EPS8: variants seen among roughly 807,000 people sequenced by gnomAD.
EPS8 encodes epidermal growth factor receptor kinase substrate 8.
In EPS8, 42 loss-of-function variants were observed where a neutral mutation model predicts 103.8. The ratio of observed to expected loss-of-function variants is 0.40; its 90% confidence interval spans 0.32 to 0.52. EPS8 has a LOEUF of 0.52. Ranked by LOEUF, EPS8 falls within the 20% of genes least tolerant of loss-of-function variation. The probability of loss-of-function intolerance (pLI) is 0.40; values close to 1 mark genes in which losing one functional copy is unlikely to be tolerated. For synonymous variants in EPS8, 344 were observed against 344.6 expected, an observed-to-expected ratio of 1.00 and a Z score of 0.02; for missense variants, 969 against 1,005.1, an observed-to-expected ratio of 0.96 and a Z score of 0.49.
intron 1 of EPS8, among the ~76,000 whole-genome samples, chr12:15,741,449 G>C (rs1946821565): frequency 6.6e-6 from 1 of 152,112 alleles, no homozygotes; most frequent in Non-Finnish European, 1.5e-5. Flanking sequence ...ATCATTTGTA[G>C]GTTGACCATC....
Position 15,785,376 on chromosome 12 carries a change from A to G in EPS8, c.-22+3785T>C, listed in dbSNP as rs2136060262. 6.6e-6 allele frequency among the ~76,000 whole-genome samples: 1 copy of G among 152,266 alleles called. No homozygotes were observed. The highest frequency in any genetic ancestry group is 1.9e-4 in the East Asian group (1 of 5,196). ...ATTCCAATGCTGCTATACATCTATG[A>G]TAGAAATGAATGATTAAGCAAATGT... On this transcript the variant is annotated intron_variant, in intron 1 of 20. Transcript: ENST00000281172. This position sits in a 1 kb window ranked among gnomAD's most constrained non-coding sequence, Gnocchi z 4.9.
At chr12:15,674,842 T>A (rs940341500) in intron 3 of EPS8, among the ~76,000 whole-genome samples, 1 of 39,034 alleles carries the variant, frequency 2.6e-5, no homozygotes, top group East Asian at 6.7e-4. Flanking sequence ...CAAAAAAAAA[T>A]TTGTTCTGTT....
chr12:15,718,332 G>GA (rs1476672181), intron 1 of EPS8, among the ~76,000 whole-genome samples: 1 of 151,980 alleles, frequency 6.6e-6, no homozygotes, highest in African/African-American at 2.4e-5. Context: ...TAAAATTTCT[G>GA]AAAAAAGAAA....
In EPS8 at chr12:15,735,097, T is replaced by C. The variant is rs1036511270; in HGVS notation, c.-21-52125A>G. Among the ~76,000 whole-genome samples, 8 of 152,184 alleles carry C rather than the reference T, an allele frequency of 5.3e-5. No individual in the cohort carries two copies. The highest frequency in any genetic ancestry group is 7.3e-5 in the Non-Finnish European group (5 of 68,028). The stretch of plus-strand genomic sequence containing the variant: ...GATAACTGTAGTATTCCCAGGTACA[T>C]GCAAATGACAAAGTTTCCAAAGAAA... On this transcript the variant is annotated intron_variant, in intron 1 of 20. Coordinates refer to ENST00000281172, the MANE Select transcript of EPS8 (RefSeq NM_004447.6). This position sits in a 1 kb window ranked among gnomAD's most constrained non-coding sequence, Gnocchi z 4.4.
At chr12:15,632,181 G>A (rs889678484) in intron 17 of EPS8, among the ~76,000 whole-genome samples, 2 of 152,018 alleles carry the variant, frequency 1.3e-5, no homozygotes, top group African/African-American at 4.8e-5. Flanking sequence ...TCATCTTAAT[G>A]CTAATTTATT....
rs924092748 is a variant in EPS8 at position 15,651,054 on chromosome 12, T to C, written c.1251-48A>G. 3 of 1,509,408 alleles carry C rather than the reference T, an allele frequency of 2.0e-6. No individual in the cohort carries two copies. The Admixed American group carries it at 5.4e-5, about 27-fold the overall frequency. The allele number at this position is 1,509,408 out of a possible 1,614,324, so 93.5% of individuals were successfully genotyped here. A position where few individuals can be genotyped will look rare whatever the true frequency, so the allele number is the denominator to read the frequency against. ...ATAAACAATAAAATCTAGGAATGTA[T>C]CCATGCTCACAGTTATCTTCAGTAA... On this transcript the variant is annotated intron_variant, in intron 13 of 20. Coordinates refer to ENST00000281172, the MANE Select transcript of EPS8 (RefSeq NM_004447.6).
chr12:15,663,272 T>C (rs1356135160), intron 8 of EPS8, among the ~76,000 whole-genome samples: 2 of 152,138 alleles, frequency 1.3e-5, no homozygotes, highest in East Asian at 3.9e-4. Flanking sequence ...TCTTGGGCTC[T>C]GTCAGGTCTG....
intron 8 of EPS8, among the ~76,000 whole-genome samples, chr12:15,663,230 T>G (rs998893541): frequency 2.0e-5 from 3 of 152,276 alleles, no homozygotes; most frequent in Non-Finnish European, 4.4e-5. Context: ...AAATATCATT[T>G]GGAGGGCACA....
Position 15,762,983 on chromosome 12 carries a change from C to T in EPS8, c.-22+26178G>A, listed in dbSNP as rs1947056982. Among the ~76,000 whole-genome samples, 1 of 152,022 alleles carries T rather than the reference C, an allele frequency of 6.6e-6. No individual in the cohort carries two copies. The highest frequency in any genetic ancestry group is 2.4e-5 in the African/African-American group (1 of 41,380). On this transcript the variant is annotated intron_variant, in intron 1 of 20. Coordinates refer to ENST00000281172, the MANE Select transcript of EPS8 (RefSeq NM_004447.6). The surrounding 1 kb of genome is among the most constrained non-coding windows in gnomAD (Gnocchi z 4.8). The stretch of plus-strand genomic sequence containing the variant: ...GGGTAAATGCTTGAGGAATAGATAG[C>T]CCATTTTCCATGATGTGATTATTAT...
intron 6 of EPS8, among the ~76,000 whole-genome samples, chr12:15,667,281 A>G (rs1945731312): frequency 6.6e-6 from 1 of 152,136 alleles, no homozygotes; most frequent in South Asian, 2.1e-4. Context: ...AGCATCGATA[A>G]TCATAAAACT....
intron 1 of EPS8, among the ~76,000 whole-genome samples, chr12:15,710,995 G>A (rs900884578): frequency 4.0e-5 from 6 of 151,878 alleles, no homozygotes; most frequent in African/African-American, 1.5e-4. Flanking sequence ...TTAGTCTCTT[G>A]AGTAGCTGGG....
At chr12:15,715,884 GA>G (rs938298981) in intron 1 of EPS8, among the ~76,000 whole-genome samples, 187 of 144,184 alleles carry the variant, frequency 1.3e-3, no homozygotes, top group Middle Eastern at 3.6e-3. Context: ...GGACATTAGG[GA>G]AAAAAAAAAA....
At position 15,762,102 on chromosome 12, in the gene EPS8, T is replaced by A. The variant is rs181554174; in HGVS notation, c.-22+27059A>T. ...AACTCTACAAGAAAACATCTAATAA[T>A]CCATTCAAAAAATGGGCAAAATATT... On this transcript the variant is annotated intron_variant, in intron 1 of 20. Transcript: ENST00000281172. The surrounding 1 kb of genome is among the most constrained non-coding windows in gnomAD (Gnocchi z 4.8). Among the ~76,000 whole-genome samples the A allele has an allele frequency of 2.6e-5, 4 of 152,048 alleles. No individual in the cohort carries two copies. The East Asian group carries it at 7.7e-4, about 29-fold the overall frequency.
chr12:15,639,172 T>C (rs1945186547), intron 17 of EPS8, among the ~76,000 whole-genome samples: 1 of 152,186 alleles, frequency 6.6e-6, no homozygotes, highest in Non-Finnish European at 1.5e-5. Flanking sequence ...TAGCTTACCA[T>C]GACCTGCATA....
rs115514206 is a variant in EPS8, at chr12:15,709,833, G to C, written c.-21-26861C>G. 2.0e-5 allele frequency among the ~76,000 whole-genome samples: 3 copies of C among 152,312 alleles called. No individual in the cohort carries two copies. The East Asian group carries it at 5.8e-4, about 29-fold the overall frequency. On this transcript the variant is annotated intron_variant, in intron 1 of 20. Coordinates refer to ENST00000281172, the MANE Select transcript of EPS8 (RefSeq NM_004447.6). ...GACAATTTTTCCAAGGCAGGAGTAGGCGGGATGGATCAGAATGAAACTGTT... is the reference window on the plus strand; with the variant it reads ...GACAATTTTTCCAAGGCAGGAGTAGCCGGGATGGATCAGAATGAAACTGTT...
rs114567662 is a variant in EPS8, at chr12:15,760,568, G to A, written c.-22+28593C>T. On this transcript the variant is annotated intron_variant, in intron 1 of 20. Coordinates refer to ENST00000281172, the MANE Select transcript of EPS8 (RefSeq NM_004447.6). The surrounding 1 kb of genome is among the most constrained non-coding windows in gnomAD (Gnocchi z 4.5). ...ATCCTCAAACAAATACCAGCAAACC[G>A]AATTCAATAATACCTTTAAAAGATC... 4.1e-3 allele frequency among the ~76,000 whole-genome samples: 622 copies of A among 151,998 alleles called. 7 individuals are homozygous for A. The highest frequency in any genetic ancestry group is 0.014 in the African/African-American group (592 of 41,496).
At chr12:15,667,124 G>A (rs963308645) in intron 6 of EPS8, among the ~76,000 whole-genome samples, 14 of 152,108 alleles carry the variant, frequency 9.2e-5, no homozygotes, top group Admixed American at 3.9e-4. Context: ...TAGCAGATAC[G>A]AAGTTTCTGT....
At chr12:15,711,060 ATTT>A (rs1454463526) in intron 1 of EPS8, among the ~76,000 whole-genome samples, 1 of 149,998 alleles carries the variant, frequency 6.7e-6, no homozygotes, top group Non-Finnish European at 1.5e-5. Flanking sequence ...TTATTTATTT[ATTT>A]ATTTATTTAT....
At position 15,681,305 on chromosome 12, in the gene EPS8, G is replaced by GTAATAATAATAATAATAATAA. The variant is rs201331879; in HGVS notation, c.60-24_60-4dup. 4.6e-6 allele frequency: 5 copies of GTAATAATAATAATAATAATAA among 1,083,824 alleles called. No individual in the cohort carries two copies. The African/African-American group carries it at 7.0e-5, about 15-fold the overall frequency. 67.1% of individuals were successfully genotyped at this position (1,083,824 alleles called of 1,614,324 possible). On this transcript the variant is annotated splice_polypyrimidine_tract_variant and splice_region_variant and intron_variant, in intron 2 of 20. Transcript: ENST00000281172. ...AGGTAGGTGATGATCCGTAGCCACTGTAATAATAATAATAATAATAATAAT... is the reference window on the plus strand; with the variant it reads ...AGGTAGGTGATGATCCGTAGCCACTGTAATAATAATAATAATAATAATAATAATAATAATAATAATAATAAT...
Sources: allele counts gnomAD v4.1 joint callset (sites outside exome capture counted in the v4.1 genomes callset), GRCh38; gene constraint gnomAD v4.1.1; non-coding constraint Gnocchi (gnomAD v3.1); transcripts MANE v1.5; gene names NCBI Gene and HGNC (gene_info 2026-07-23, HGNC 2026-07-21).